SYNE3: variants seen among roughly 807,000 people sequenced by gnomAD.
The protein encoded by SYNE3 is nesprin-3.
SYNE3 carries 100 observed loss-of-function variants against 111.2 expected under a neutral mutation model. The ratio of observed to expected loss-of-function variants is 0.90; its 90% CI spans 0.77 to 1.06. SYNE3 has a LOEUF of 1.06. Among genes scored for constraint, SYNE3 ranks in the 50% least tolerant of loss-of-function variants. SYNE3 has a pLI of 0.00. For missense variants in SYNE3, 1,160 were observed against 1,240.3 expected, an observed-to-expected ratio of 0.94 and a Z score of 0.97; for synonymous variants, 547 against 533.9, an observed-to-expected ratio of 1.02 and a Z score of -0.34.
Position 95,475,786 on chromosome 14 carries a change from G to T in SYNE3, c.36C>A (p.Ser12Arg), listed in dbSNP as rs144095171. 8.8e-6 allele frequency: 14 copies of T among 1,595,372 alleles called. No individual in the cohort carries two copies. The highest frequency in any genetic ancestry group is 1.8e-5 in the Admixed American group (1 of 56,156). The part of the protein sequence containing the change: ...TQQPQDDFDR[S>R]VEDAQAWMKA... Reference sequence around the variant, plus strand: ...TCATCCATGCCTGGGCATCCTCCACGCTCCTGTCAAAGTCGTCCTGGGGCT... The same window carrying T: ...TCATCCATGCCTGGGCATCCTCCACTCTCCTGTCAAAGTCGTCCTGGGGCT... Residue 12 changes from serine (S) to arginine (R), a missense_variant, in exon 2 of 18, where the codon AGC (serine) becomes AGA (arginine). By Grantham distance (110) the Ser-to-Arg change is moderately radical (BLOSUM62 -1). Coordinates refer to ENST00000682763, the MANE Select transcript of SYNE3 (RefSeq NM_152592.6).
intron 2 of SYNE3, among the ~76,000 whole-genome samples, chr14:95,472,470 T>A (rs1445970933): frequency 6.6e-6 from 1 of 152,218 alleles, no homozygotes; most frequent in East Asian, 1.9e-4. Flanking sequence ...GCAGGGACAC[T>A]TGGTATGCTG....
Position 95,466,110 on chromosome 14 carries a change from G to C in SYNE3, c.448C>G (p.Gln150Glu). The C allele has an allele frequency of 1.2e-6, 2 of 1,612,930 alleles. No homozygotes were observed. The highest frequency in any genetic ancestry group is 1.7e-6 in the Non-Finnish European group (2 of 1,179,024). ...IELQLGLKEK[Q>E]WQLSHAQVLL... is the part of the protein sequence containing the mutation. ...ACCTGGGCGTGGCTCAGCTGCCACTGCTTCTCCTTCAGGCCCAGCTGGAGC... is the reference window on the plus strand; with the variant it reads ...ACCTGGGCGTGGCTCAGCTGCCACTCCTTCTCCTTCAGGCCCAGCTGGAGC... The change falls in exon 4 of 18, where the codon CAG (glutamine) becomes GAG (glutamate). Residue 150 changes from glutamine to glutamate, a missense_variant. Coordinates refer to ENST00000682763, the MANE Select transcript of SYNE3 (RefSeq NM_152592.6).
At position 95,407,447 on chromosome 14, in the gene SYNE3, G is replaced by A. The variant is rs1903308702; in HGVS notation, c.*10379C>T. 6.6e-6 allele frequency: 1 copy of A among 152,106 alleles called. No homozygotes were observed. The highest frequency in any genetic ancestry group is 2.4e-5 in the African/African-American group (1 of 41,410). 9.4% of individuals were successfully genotyped at this position (152,106 alleles called of 1,614,324 possible). On this transcript the variant is annotated 3_prime_UTR_variant, in exon 18 of 18. Coordinates refer to ENST00000682763, the MANE Select transcript of SYNE3 (RefSeq NM_152592.6). The stretch of plus-strand genomic sequence containing the variant: ...AAATATAGCACTAAGAAGAAACTCC[G>A]GGGTCCTGGTGTTCCTCCCTGGATG...
chr14:95,422,440 G>GTGA (rs1011753339), intron 17 of SYNE3, among the ~76,000 whole-genome samples: 24 of 152,260 alleles, frequency 1.6e-4, no homozygotes, highest in African/African-American at 5.8e-4. Flanking sequence ...GCTCTCCAGT[G>GTGA]TCACTCCAGA....
intron 1 of SYNE3, among the ~76,000 whole-genome samples, chr14:95,478,138 A>T (rs1029466329): frequency 2.6e-5 from 4 of 152,244 alleles, no homozygotes; most frequent in African/African-American, 9.6e-5. Flanking sequence ...GCTCAGACCA[A>T]CCGAACTGTG....
chr14:95,416,455 G>A lies in SYNE3; in HGVS notation c.*1371C>T, dbSNP rs1903584026. On this transcript the variant is annotated 3_prime_UTR_variant, in exon 18 of 18. Coordinates refer to ENST00000682763, the MANE Select transcript of SYNE3 (RefSeq NM_152592.6). ...GTACTTTTTTAAAGGGGAAAATTTAGTGTTGATTTAGGAAAAACATGATCC... is the reference window on the plus strand; with the variant it reads ...GTACTTTTTTAAAGGGGAAAATTTAATGTTGATTTAGGAAAAACATGATCC... The A allele has an allele frequency of 6.6e-6, 1 of 152,220 alleles. No homozygotes were observed. The highest frequency in any genetic ancestry group is 2.1e-4 in the South Asian group (1 of 4,826). 9.4% of individuals were successfully genotyped at this position (152,220 alleles called of 1,614,324 possible). A position where few individuals can be genotyped will look rare whatever the true frequency, so the allele number is the denominator to read the frequency against.
In SYNE3 at chr14:95,485,991, C is replaced by A. The variant is rs550663187; in HGVS notation, c.-14-10156G>T. Among the ~76,000 whole-genome samples, 10 of 152,244 alleles carry A rather than the reference C, an allele frequency of 6.6e-5. No individual in the cohort carries two copies. The East Asian group carries it at 1.9e-3, about 29-fold the overall frequency. On this transcript the variant is annotated intron_variant, in intron 1 of 17. Transcript: ENST00000682763. The surrounding 1 kb of genome is among the most constrained non-coding windows in gnomAD (Gnocchi z 4.3). ...GCCTGCACTCAAGGGGTACACTGCA[C>A]CCCCACCACCCCTTATCAGCTCCAT...
intron 10 of SYNE3, chr14:95,444,150 C>T: frequency 2.9e-6 from 1 of 350,672 alleles, no homozygotes. Flanking sequence ...ATTCTTAATC[C>T]CAAAGTTGGT....
Position 95,449,830 on chromosome 14 carries a change from G to A in SYNE3, c.1449+101C>T, listed in dbSNP as rs895744134. ...CGCAGTGAGCTCTCCCCAGATATCC[G>A]GAGGACCCGGAAACGGACCTTCCCC... On this transcript the variant is annotated intron_variant, in intron 8 of 17. Transcript: ENST00000682763. The A allele has an allele frequency of 2.8e-5, 41 of 1,472,612 alleles. No individual in the cohort carries two copies. The African/African-American group carries it at 3.8e-4, about 14-fold the overall frequency. The allele number at this position is 1,472,612 out of a possible 1,614,324, so 91.2% of individuals were successfully genotyped here. A position where few individuals can be genotyped will look rare whatever the true frequency, so the allele number is the denominator to read the frequency against.
rs1177519744 is a variant in SYNE3 at position 95,450,107 on chromosome 14, T to G, written c.1275-2A>C. The G allele has an allele frequency of 6.4e-7, 1 of 1,573,658 alleles. No individual in the cohort carries two copies. The highest frequency in any genetic ancestry group is 1.8e-5 in the Admixed American group (1 of 54,930). On this transcript the variant is annotated splice_acceptor_variant, in intron 7 of 17. Transcript: ENST00000682763. LOFTEE classifies it high-confidence loss of function. The stretch of plus-strand genomic sequence containing the variant: ...AGCCTCGCGCTCTTCACCTTCAGGC[T>G]GCAAGGAGCGTGGAGGGAGAAAATG...
At chr14:95,502,414 C>A (rs1890371493) in intron 1 of SYNE3, among the ~76,000 whole-genome samples, 2 of 152,098 alleles carry the variant, frequency 1.3e-5, no homozygotes, top group African/African-American at 4.8e-5. Context: ...CCGCCTACAG[C>A]CTGTGTGTCC....
At chr14:95,508,862 C>G (rs1227218085) in intron 1 of SYNE3, among the ~76,000 whole-genome samples, 2 of 152,242 alleles carry the variant, frequency 1.3e-5, no homozygotes, top group Non-Finnish European at 2.9e-5. Flanking sequence ...CTTCTCTCCC[C>G]AGCCTCAGGT....
intron 14 of SYNE3, among the ~76,000 whole-genome samples, chr14:95,437,323 A>G (rs769805707): frequency 6.6e-6 from 1 of 152,152 alleles, no homozygotes; most frequent in Non-Finnish European, 1.5e-5. Context: ...CCATTCAGCT[A>G]ACTTCTTGGT....
chr14:95,411,321 CAAAAA>C lies in SYNE3; in HGVS notation c.*6500_*6504del, dbSNP rs5810723. 2.2e-5 allele frequency: 3 copies of C among 137,980 alleles called. No individual in the cohort carries two copies. Among genetic ancestry groups the C allele is most frequent in the Admixed American group, 7.2e-5 (1 of 13,944 alleles). The allele number at this position is 137,980 out of a possible 1,614,324, so 8.5% of individuals were successfully genotyped here. The stretch of plus-strand genomic sequence containing the variant: ...GAACATCCTAATTTTAACATAAATT[CAAAAA>C]AAAAAAAAGAAAAAAGAAAAGGAGA... On this transcript the variant is annotated 3_prime_UTR_variant, in exon 18 of 18. Transcript: ENST00000682763.
rs1036252017 is a variant in SYNE3 at position 95,500,871 on chromosome 14, G to A, written c.-15+15725C>T. Among the ~76,000 whole-genome samples the A allele has an allele frequency of 6.6e-6, 1 of 152,240 alleles. No homozygotes were observed. The highest frequency in any genetic ancestry group is 2.4e-5 in the African/African-American group (1 of 41,458). ...CCCATTCTTTGTACTCCCAGTGGGGGATCGGGGGCGGTGAAGCGGGAGGGA... is the reference window on the plus strand; with the variant it reads ...CCCATTCTTTGTACTCCCAGTGGGGAATCGGGGGCGGTGAAGCGGGAGGGA... On this transcript the variant is annotated intron_variant, in intron 1 of 17. Coordinates refer to ENST00000682763, the MANE Select transcript of SYNE3 (RefSeq NM_152592.6). This position sits in a 1 kb window ranked among gnomAD's most constrained non-coding sequence, Gnocchi z 4.7.
In SYNE3 at chr14:95,447,135, C is replaced by CTT. The variant is rs11412651; in HGVS notation, c.1450-1046_1450-1045dup. 6.8e-4 allele frequency among the ~76,000 whole-genome samples: 92 copies of CTT among 134,568 alleles called. 1 individual carries two copies. The highest frequency in any genetic ancestry group is 1.9e-3 in the Admixed American group (25 of 12,956). 88.3% of individuals were successfully genotyped at this position (134,568 alleles called of 152,430 possible). The stretch of plus-strand genomic sequence containing the variant: ...CAATACAAGACAGAAAGTGGTCATT[C>CTT]TTTTTTTTTTTTTTTTGAGCTGGAG... On this transcript the variant is annotated intron_variant, in intron 8 of 17. Transcript: ENST00000682763.
chr14:95,486,705 A>G (rs1360683136), intron 1 of SYNE3, among the ~76,000 whole-genome samples: 1 of 152,246 alleles, frequency 6.6e-6, no homozygotes, highest in Non-Finnish European at 1.5e-5. Context: ...ACTCTTTTCA[A>G]CAAGGACTTG....
At chr14:95,498,523 A>G (rs1011835885) in intron 1 of SYNE3, among the ~76,000 whole-genome samples, 2 of 152,340 alleles carry the variant, frequency 1.3e-5, no homozygotes, top group Admixed American at 1.3e-4. Context: ...TGGGCCTACA[A>G]ATTCAAAGAT....
chr14:95,486,447 C>A (rs915947577), intron 1 of SYNE3, among the ~76,000 whole-genome samples: 14 of 152,172 alleles, frequency 9.2e-5, no homozygotes, highest in Admixed American at 2.0e-4. Flanking sequence ...CTCATGCCTT[C>A]TCAGGCAGGG....
Sources: allele counts gnomAD v4.1 joint callset (sites outside exome capture counted in the v4.1 genomes callset), GRCh38; gene constraint gnomAD v4.1.1; non-coding constraint Gnocchi (gnomAD v3.1); transcripts MANE v1.5; gene names NCBI Gene and HGNC (gene_info 2026-07-23, HGNC 2026-07-21).